The following PEBP4 variants were observed in gnomAD, a reference collection of about 807,000 sequenced individuals.
The protein encoded by PEBP4 is phosphatidylethanolamine-binding protein 4.
PEBP4 carries 22 observed loss-of-function variants against 23.9 expected under a neutral mutation model. That is an observed-to-expected ratio of 0.92 (90% CI 0.66 to 1.31). The LOEUF is 1.31. Ranked by LOEUF, PEBP4 falls within the 40% of genes most tolerant of loss-of-function variation. The pLI is 0.00. For synonymous variants in PEBP4, 112 were observed against 99.3 expected (o/e 1.13, Z -0.76); for missense variants, 324 against 281.7 (o/e 1.15, Z -1.07).
intron 1 of PEBP4, among the ~76,000 whole-genome samples, chr8:22,933,736 A>C (rs780209427): frequency 1.8e-4 from 28 of 152,254 alleles, no homozygotes; most frequent in Non-Finnish European, 2.9e-4. Flanking sequence ...AAATATATCA[A>C]GATCTTTGTT....
chr8:22,934,368 A>G (rs961018051), intron 1 of PEBP4, among the ~76,000 whole-genome samples: 2 of 152,244 alleles, frequency 1.3e-5, no homozygotes, highest in Non-Finnish European at 2.9e-5. Context: ...AGTTAGTATC[A>G]ATTCAAATTA....
At chr8:22,759,305 C>T (rs1805454961) in intron 4 of PEBP4, among the ~76,000 whole-genome samples, 1 of 151,798 alleles carries the variant, frequency 6.6e-6, no homozygotes, top group Non-Finnish European at 1.5e-5. Context: ...GTACCCAGTC[C>T]TCTTGAGTCC....
chr8:22,812,721 C>T (rs1397406412), intron 4 of PEBP4, among the ~76,000 whole-genome samples: 1 of 152,112 alleles, frequency 6.6e-6, no homozygotes, highest in African/African-American at 2.4e-5. Flanking sequence ...TGTTTATTAT[C>T]ATTAGTGTGG....
At chr8:22,825,387 A>G (rs1235366307) in intron 3 of PEBP4, among the ~76,000 whole-genome samples, 1 of 152,228 alleles carries the variant, frequency 6.6e-6, no homozygotes, top group East Asian at 1.9e-4. Flanking sequence ...AAGACAGAAG[A>G]ACGTGCCATC....
intron 6 of PEBP4, among the ~76,000 whole-genome samples, chr8:22,717,706 C>T (rs907892): frequency 6.6e-6 from 1 of 152,198 alleles, no homozygotes; most frequent in Admixed American, 6.5e-5. Context: ...AGGTGGTGAT[C>T]TGTATCTACC....
At chr8:22,764,891 G>A in intron 4 of PEBP4, among the ~76,000 whole-genome samples, 1 of 152,078 alleles carries the variant, frequency 6.6e-6, no homozygotes, top group Non-Finnish European at 1.5e-5. Flanking sequence ...TCTGGGCATG[G>A]AGGTTGCAAT....
At chr8:22,799,038 A>T (rs1204376902) in intron 4 of PEBP4, among the ~76,000 whole-genome samples, 2 of 152,086 alleles carry the variant, frequency 1.3e-5, no homozygotes, top group Non-Finnish European at 2.9e-5. Context: ...GTGCCTGGCC[A>T]TATCTATGAA....
intron 3 of PEBP4, among the ~76,000 whole-genome samples, chr8:22,902,468 TG>T (rs200964221): frequency 0.19 from 28,223 of 152,110 alleles, 3,837 homozygotes; most frequent in African/African-American, 0.38. Flanking sequence ...TAGGGTGCTC[TG>T]AATGTGTCCA....
chr8:22,824,942 C>G (rs746777098), intron 3 of PEBP4, among the ~76,000 whole-genome samples: 10 of 152,208 alleles, frequency 6.6e-5, no homozygotes, highest in Non-Finnish European at 1.2e-4. Context: ...GGGTTGGGGA[C>G]TCCTGCTGTA....
Position 22,727,368 on chromosome 8 carries a change from T to G in PEBP4, c.358-148A>C, listed in dbSNP as rs149712424. 2.1e-4 allele frequency: 167 copies of G among 780,974 alleles called. No individual in the cohort carries two copies. The African/African-American group carries it at 2.6e-3, about 12-fold the overall frequency. The allele number at this position is 780,974 out of a possible 1,614,324, so 48.4% of individuals were successfully genotyped here. A position where few individuals can be genotyped will look rare whatever the true frequency, so the allele number is the denominator to read the frequency against. On this transcript the variant is annotated intron_variant, in intron 4 of 6. Coordinates refer to ENST00000256404, the MANE Select transcript of PEBP4 (RefSeq NM_144962.3). Reference sequence around the variant, plus strand: ...GAAGTAGGATGGGAGAGGAGGAAAATGGGAGAGCAGGAGGATGTATGGCTG... The same window carrying G: ...GAAGTAGGATGGGAGAGGAGGAAAAGGGGAGAGCAGGAGGATGTATGGCTG...
At chr8:22,846,846 A>G (rs1160654805) in intron 3 of PEBP4, among the ~76,000 whole-genome samples, 1 of 151,950 alleles carries the variant, frequency 6.6e-6, no homozygotes, top group African/African-American at 2.4e-5. Context: ...GAGACAATGG[A>G]GGGTCATAAA....
At chr8:22,924,408 G>A (rs1321014653) in intron 2 of PEBP4, among the ~76,000 whole-genome samples, 1 of 152,136 alleles carries the variant, frequency 6.6e-6, no homozygotes, top group African/African-American at 2.4e-5. Flanking sequence ...CCCTGAGAGA[G>A]GTTGAAGGAC....
At chr8:22,851,175 G>T (rs1159408148) in intron 3 of PEBP4, among the ~76,000 whole-genome samples, 1 of 152,112 alleles carries the variant, frequency 6.6e-6, no homozygotes, top group African/African-American at 2.4e-5. Flanking sequence ...TCCACATTTG[G>T]CTTGCATGGT....
chr8:22,796,257 C>CGTGTGT (rs34887072), intron 4 of PEBP4, among the ~76,000 whole-genome samples: 145 of 149,868 alleles, frequency 9.7e-4, no homozygotes, highest in African/African-American at 3.3e-3. Context: ...CTCAAGTGTG[C>CGTGTGT]GTGTGTGTGT....
rs551214031 is a variant in PEBP4, at chr8:22,723,189, C to T, written c.517+1654G>A. 3.5e-3 allele frequency among the ~76,000 whole-genome samples: 534 copies of T among 152,156 alleles called. 1 individual carries two copies. Among genetic ancestry groups the T allele is most frequent in the African/African-American group, 0.012 (495 of 41,512 alleles). Reference sequence around the variant, plus strand: ...TGGGGAAGTACACAAGACCAAACAACGCGTTTCAGGCCCAGCGCGTTTTGG... The same window carrying T: ...TGGGGAAGTACACAAGACCAAACAATGCGTTTCAGGCCCAGCGCGTTTTGG... On this transcript the variant is annotated intron_variant, in intron 6 of 6. Transcript: ENST00000256404.
At chr8:22,765,448 T>A (rs1369322238) in intron 4 of PEBP4, among the ~76,000 whole-genome samples, 2 of 152,220 alleles carry the variant, frequency 1.3e-5, no homozygotes, top group Non-Finnish European at 2.9e-5. Flanking sequence ...CCAGCCCAGG[T>A]CCTCAGTTTC....
At chr8:22,733,337 CCTT>C (rs1804779076) in intron 4 of PEBP4, among the ~76,000 whole-genome samples, 3 of 152,224 alleles carry the variant, frequency 2.0e-5, no homozygotes, top group Admixed American at 2.0e-4. Flanking sequence ...CAACCTCTAT[CCTT>C]TGGGTGTCCC....
At chr8:22,925,143 C>G (rs1354680355) in intron 2 of PEBP4, 9 of 985,258 alleles carry the variant, frequency 9.1e-6, no homozygotes, top group Non-Finnish European at 1.1e-5. Context: ...TCATGATGCT[C>G]TCTTCCAAAC....
intron 3 of PEBP4, among the ~76,000 whole-genome samples, chr8:22,822,468 G>A (rs1320732964): frequency 1.3e-5 from 2 of 151,976 alleles, no homozygotes; most frequent in African/African-American, 4.8e-5. Context: ...GAAACAAAGT[G>A]TAAACATGAT....
Sources: gnomAD v4.1 joint callset for allele counts (sites outside exome capture counted in the v4.1 genomes callset) on GRCh38, gnomAD v4.1.1 for gene constraint, MANE v1.5 for transcripts, NCBI Gene and HGNC (gene_info 2026-07-23, HGNC 2026-07-21) for gene names.